MERTK: variants seen among roughly 807,000 people sequenced by gnomAD.
The protein encoded by MERTK is MER proto-oncogene, tyrosine kinase, also known as tyrosine-protein kinase Mer.
Under a neutral mutation model 99.3 loss-of-function variants are expected in MERTK, and 69 were observed. The ratio of observed to expected loss-of-function variants is 0.70; its 90% confidence interval spans 0.57 to 0.85. MERTK has a LOEUF of 0.85. Among genes scored for constraint, MERTK ranks in the 40% least tolerant of loss-of-function variants. MERTK has a pLI of 0.00. For synonymous variants in MERTK, 426 were observed against 467.6 expected, an observed-to-expected ratio of 0.91 and a Z score of 1.15; for missense variants, 1,125 against 1,249.4, an observed-to-expected ratio of 0.90 and a Z score of 1.50.
intron 17 of MERTK, among the ~76,000 whole-genome samples, chr2:112,022,052 T>G (rs543241409): frequency 2.3e-4 from 35 of 152,288 alleles, no homozygotes; most frequent in African/African-American, 7.2e-4. Flanking sequence ...TTGCCAGATT[T>G]CCCAGAACAG....
rs1184269274 is a variant in MERTK at position 111,939,654 on chromosome 2, A to ATTTT, written c.483-5281_483-5278dup. On this transcript the variant is annotated intron_variant, in intron 2 of 18. Coordinates refer to ENST00000295408, the MANE Select transcript of MERTK (RefSeq NM_006343.3). ...TGCCACCATGCCCAGCTAATTTTTA[A>ATTTT]TTTTTTTTTTTTTTTTTTTTTTTTT... 7.0e-4 allele frequency among the ~76,000 whole-genome samples: 62 copies of ATTTT among 88,258 alleles called. 1 individual carries two copies. The highest frequency in any genetic ancestry group is 2.2e-3 in the African/African-American group (49 of 21,834). 57.9% of individuals were successfully genotyped at this position (88,258 alleles called of 152,430 possible).
intron 2 of MERTK, among the ~76,000 whole-genome samples, chr2:111,934,440 T>C (rs1365920288): frequency 6.6e-5 from 10 of 152,242 alleles, no homozygotes; most frequent in Admixed American, 3.9e-4. Flanking sequence ...TGGTATCTCA[T>C]TGTGGTTTTG....
rs185515374 is a variant in MERTK at position 111,936,243 on chromosome 2, A to G, written c.482+6703A>G. Among the ~76,000 whole-genome samples, 5 of 152,266 alleles carry G rather than the reference A, an allele frequency of 3.3e-5. No individual in the cohort carries two copies. In the East Asian group the frequency reaches 9.6e-4, roughly 29 times the overall value. On this transcript the variant is annotated intron_variant, in intron 2 of 18. Transcript: ENST00000295408. The stretch of plus-strand genomic sequence containing the variant: ...TCTTCAAAATATTTTAAGGTATTTT[A>G]TTGCATAGATGATTACATATTCTGT...
At chr2:111,924,635 C>G (rs1684521265) in intron 1 of MERTK, among the ~76,000 whole-genome samples, 1 of 152,220 alleles carries the variant, frequency 6.6e-6, no homozygotes, top group Non-Finnish European at 1.5e-5. Context: ...CTTGCTCTCC[C>G]TTGCTCAGAA....
chr2:111,992,707 C>T lies in MERTK; in HGVS notation c.1297-1544C>T, dbSNP rs1239564394. ...TGGAGGTTGCAGTGAGCTGAGATAG[C>T]GCTACTGCACTCCAGCCTGGGTGAC... On this transcript the variant is annotated intron_variant, in intron 8 of 18. Coordinates refer to ENST00000295408, the MANE Select transcript of MERTK (RefSeq NM_006343.3). Among the ~76,000 whole-genome samples the T allele has an allele frequency of 4.1e-5, 6 of 146,746 alleles. No homozygotes were observed. The South Asian group carries it at 6.4e-4, about 16-fold the overall frequency.
chr2:111,953,197 A>G (rs929300309), intron 4 of MERTK, among the ~76,000 whole-genome samples: 2 of 152,216 alleles, frequency 1.3e-5, no homozygotes, highest in African/African-American at 4.8e-5. Context: ...CTGAACCATG[A>G]TGATGGAAAT....
intron 4 of MERTK, among the ~76,000 whole-genome samples, chr2:111,957,788 A>G (rs1685177226): frequency 1.3e-5 from 2 of 152,202 alleles, no homozygotes; most frequent in Admixed American, 1.3e-4. Context: ...ATGCAGCATG[A>G]TCTTCCATTT....
intron 2 of MERTK, among the ~76,000 whole-genome samples, chr2:111,943,876 G>A (rs1015603413): frequency 2.0e-5 from 3 of 152,100 alleles, no homozygotes; most frequent in Non-Finnish European, 4.4e-5. Context: ...AGTTGCCCTT[G>A]GCCCCTAAAA....
chr2:111,975,422 T>C lies in MERTK; in HGVS notation c.1094T>C (p.Ile365Thr). The change falls in exon 7 of 19, where the codon ATA becomes ACA. Residue 365 changes from isoleucine to threonine, a missense_variant. Coordinates refer to ENST00000295408, the MANE Select transcript of MERTK (RefSeq NM_006343.3). ...YSIGVSCMNE[I>T]GWSAVSPWIL... ...ATTGGTGTTTCCTGCATGAATGAAA[T>C]AGGCTGGTCTGCAGTGAGCCCTTGG... is the stretch of plus-strand genomic sequence containing the variant. 6.2e-7 allele frequency: 1 copy of C among 1,614,156 alleles called. No homozygotes were observed. The highest frequency in any genetic ancestry group is 8.5e-7 in the Non-Finnish European group (1 of 1,180,032).
At chr2:111,960,067 G>C (rs1318900176) in intron 4 of MERTK, among the ~76,000 whole-genome samples, 1 of 152,118 alleles carries the variant, frequency 6.6e-6, no homozygotes, top group Non-Finnish European at 1.5e-5. Flanking sequence ...TATGAAAATA[G>C]TTTTGACTCT....
intron 13 of MERTK, among the ~76,000 whole-genome samples, chr2:112,004,696 G>A (rs1676945397): frequency 6.6e-6 from 1 of 152,132 alleles, no homozygotes; most frequent in African/African-American, 2.4e-5. Flanking sequence ...CAGATCACAA[G>A]GTCAGGAGTT....
intron 10 of MERTK, among the ~76,000 whole-genome samples, chr2:112,000,581 A>G (rs1372392544): frequency 1.3e-5 from 2 of 152,228 alleles, no homozygotes; most frequent in Admixed American, 6.5e-5. Flanking sequence ...GGAGGAGCAC[A>G]GAATTAAAAT....
At chr2:111,920,947 C>T (rs1014552540) in intron 1 of MERTK, among the ~76,000 whole-genome samples, 6 of 151,542 alleles carry the variant, frequency 4.0e-5, no homozygotes, top group East Asian at 1.9e-4. Context: ...TGAGCCACTG[C>T]GACTGGCCAC....
At chr2:111,926,520 A>G (rs1684570577) in intron 1 of MERTK, among the ~76,000 whole-genome samples, 1 of 152,154 alleles carries the variant, frequency 6.6e-6, no homozygotes, top group African/African-American at 2.4e-5. Context: ...CAAGGTCAAG[A>G]GATGAAGACC....
At position 111,943,206 on chromosome 2, in the gene MERTK, T is replaced by C. The variant is rs545358688; in HGVS notation, c.483-1754T>C. 4.6e-5 allele frequency among the ~76,000 whole-genome samples: 7 copies of C among 152,308 alleles called. No individual in the cohort carries two copies. The South Asian group carries it at 1.5e-3, about 32-fold the overall frequency. ...ACAGGTTGAGGGATGAGATTTATTT[T>C]GTTTAGAAATAAATAGGTTATACAG... is the stretch of plus-strand genomic sequence containing the variant. On this transcript the variant is annotated intron_variant, in intron 2 of 18. Transcript: ENST00000295408.
At chr2:111,914,812 T>C (rs1684319995) in intron 1 of MERTK, among the ~76,000 whole-genome samples, 1 of 152,222 alleles carries the variant, frequency 6.6e-6, no homozygotes, top group Admixed American at 6.5e-5. Context: ...ATTTTGTTAA[T>C]AATTTTTTTG....
At chr2:111,967,963 A>G (rs1229772443) in intron 5 of MERTK, among the ~76,000 whole-genome samples, 174 bp from the exon 6 acceptor site, 3 of 152,128 alleles carry the variant, frequency 2.0e-5, no homozygotes, top group Non-Finnish European at 4.4e-5. Flanking sequence ...TGGCCCATCC[A>G]TAGGCTAACA....
intron 4 of MERTK, among the ~76,000 whole-genome samples, chr2:111,964,269 A>G (rs1365450133): frequency 2.0e-5 from 3 of 152,108 alleles, no homozygotes; most frequent in African/African-American, 7.2e-5. Context: ...GTTATAATCC[A>G]AAGCTACTTT....
At chr2:111,925,970 T>A (rs1268195358) in intron 1 of MERTK, among the ~76,000 whole-genome samples, 1 of 151,992 alleles carries the variant, frequency 6.6e-6, no homozygotes, top group Admixed American at 6.6e-5. Flanking sequence ...TAGCTGGGAC[T>A]ACCCGTGTCT....
Sources: gnomAD v4.1 joint callset for allele counts (sites outside exome capture counted in the v4.1 genomes callset) on GRCh38, gnomAD v4.1.1 for gene constraint, MANE v1.5 for transcripts, NCBI Gene and HGNC (gene_info 2026-07-23, HGNC 2026-07-21) for gene names.